NCKAP5: variants seen among roughly 807,000 people sequenced by gnomAD.
NCKAP5 encodes the protein nck-associated protein 5.
NCKAP5 carries 92 observed loss-of-function variants against 167.0 expected under a neutral mutation model. The ratio of observed to expected loss-of-function variants is 0.55; its 90% confidence interval spans 0.47 to 0.66. The LOEUF is 0.66. NCKAP5 is among the 30% of genes least tolerant of loss of function. The pLI is 0.00. For missense variants in NCKAP5, 2,378 were observed against 2,315.0 expected (o/e 1.03, Z -0.56); for synonymous variants, 891 against 877.4 (o/e 1.02, Z -0.27).
chr2:133,164,854 T>C (rs1259621576), intron 5 of NCKAP5, among the ~76,000 whole-genome samples: 1 of 152,204 alleles, frequency 6.6e-6, no homozygotes, highest in Non-Finnish European at 1.5e-5. Flanking sequence ...ATATTTAACA[T>C]GAAGCAATAA....
rs774001167 is a variant in NCKAP5 at position 132,782,762 on chromosome 2, C to T, written c.4049G>A (p.Gly1350Asp). ...RPSGHPSSGK[G>D]SLGSSGSFSS... Reference sequence around the variant, plus strand: ...GAAGCTGCCTGAGCTCCCCAGGGAGCCCTTCCCGGAGGAGGGGTGCCCCGA... The same window carrying T: ...GAAGCTGCCTGAGCTCCCCAGGGAGTCCTTCCCGGAGGAGGGGTGCCCCGA... The change falls in exon 14 of 20, where the codon GGC becomes GAC. Residue 1350 changes from glycine to aspartate, a missense_variant. Transcript: ENST00000409261. 10 of 1,613,828 alleles carry T rather than the reference C, an allele frequency of 6.2e-6. No individual in the cohort carries two copies. The highest frequency in any genetic ancestry group is 1.7e-5 in the Admixed American group (1 of 59,986).
chr2:132,707,220 T>C (rs1688445885), intron 19 of NCKAP5, among the ~76,000 whole-genome samples: 1 of 152,218 alleles, frequency 6.6e-6, no homozygotes, highest in South Asian at 2.1e-4. Context: ...GAAAGTGCAG[T>C]GACTGTGGGA....
chr2:133,547,625 C>A (rs1487412667), intron 2 of NCKAP5, among the ~76,000 whole-genome samples: 1 of 151,402 alleles, frequency 6.6e-6, no homozygotes, highest in Non-Finnish European at 1.5e-5. Context: ...CACACTGACA[C>A]CTCACACGGC....
chr2:133,021,551 T>A (rs1302117117), intron 6 of NCKAP5, among the ~76,000 whole-genome samples: 3 of 152,258 alleles, frequency 2.0e-5, no homozygotes, highest in African/African-American at 7.2e-5. Context: ...TGTCAGTAAG[T>A]GTGTATACAC....
rs569989019 is a variant in NCKAP5, at chr2:133,247,792, C to T, written c.144-34013G>A. Among the ~76,000 whole-genome samples, 10 of 152,300 alleles carry T rather than the reference C, an allele frequency of 6.6e-5. No homozygotes were observed. The South Asian group carries it at 2.1e-3, about 32-fold the overall frequency. ...TAGCCTTTCTCCATGCTCCATAGTT[C>T]TGCAATTTCTCCCTTCCACATCCTA... On this transcript the variant is annotated intron_variant, in intron 4 of 19. Transcript: ENST00000409261.
At chr2:133,136,093 T>C (rs2082778276) in intron 5 of NCKAP5, among the ~76,000 whole-genome samples, 1 of 152,314 alleles carries the variant, frequency 6.6e-6, no homozygotes, top group East Asian at 1.9e-4. Flanking sequence ...ACAAATGCCA[T>C]CTAGAATATA....
chr2:133,075,011 T>C (rs1051766274), intron 6 of NCKAP5, among the ~76,000 whole-genome samples: 8 of 151,662 alleles, frequency 5.3e-5, no homozygotes, highest in Non-Finnish European at 1.2e-4. Context: ...TATCAAGCAG[T>C]AAAATAAAAA....
chr2:133,002,907 C>T (rs897244005), intron 6 of NCKAP5, among the ~76,000 whole-genome samples: 14 of 152,130 alleles, frequency 9.2e-5, no homozygotes, highest in Admixed American at 4.6e-4. Context: ...TGTATGCATG[C>T]GACTAGTCAG....
chr2:133,594,146 G>T, the NCKAP5 span, among the ~76,000 whole-genome samples: 8 of 152,248 alleles, frequency 5.3e-5, no homozygotes, highest in Non-Finnish European at 1.0e-4. Context: ...ATGAGTCAAT[G>T]AAAGTGATGA....
At chr2:132,998,408 TG>T (rs1375154671) in intron 6 of NCKAP5, among the ~76,000 whole-genome samples, 1 of 152,220 alleles carries the variant, frequency 6.6e-6, no homozygotes, top group Non-Finnish European at 1.5e-5. Context: ...AACACTCTTC[TG>T]GCACTACTTT....
At chr2:132,990,214 C>G (rs1179451735) in intron 7 of NCKAP5, among the ~76,000 whole-genome samples, 1 of 152,158 alleles carries the variant, frequency 6.6e-6, no homozygotes, top group African/African-American at 2.4e-5. Context: ...CCAAGGAGAA[C>G]AGTGGGTTTC....
intron 6 of NCKAP5, chr2:133,123,066 T>C (rs956699712): frequency 7.9e-5 from 12 of 152,162 alleles, no homozygotes; most frequent in African/African-American, 2.7e-4. Flanking sequence ...TGCAATGAAA[T>C]TGGAACTATA....
chr2:133,587,054 G>A, the NCKAP5 span, among the ~76,000 whole-genome samples: 3 of 152,110 alleles, frequency 2.0e-5, no homozygotes, highest in African/African-American at 7.2e-5. Context: ...AAGGACTCAC[G>A]CGAGGGGTGT....
intron 8 of NCKAP5, among the ~76,000 whole-genome samples, chr2:132,949,624 A>G (rs1216602587): frequency 6.6e-6 from 1 of 152,148 alleles, no homozygotes; most frequent in Non-Finnish European, 1.5e-5. Context: ...CTGTGAGAAT[A>G]AGAACTATCT....
chr2:133,298,573 G>A (rs1680127296), intron 4 of NCKAP5, among the ~76,000 whole-genome samples: 1 of 152,090 alleles, frequency 6.6e-6, no homozygotes, highest in South Asian at 2.1e-4. Flanking sequence ...CATGCAGGTT[G>A]TTTTGGTTCA....
At chr2:133,220,817 G>A (rs934130271) in intron 4 of NCKAP5, among the ~76,000 whole-genome samples, 5 of 152,076 alleles carry the variant, frequency 3.3e-5, no homozygotes, top group Admixed American at 1.3e-4. Context: ...CATGCCTGTT[G>A]GGAGACAAAT....
chr2:133,193,206 A>AC (rs1439992767), intron 5 of NCKAP5, among the ~76,000 whole-genome samples: 1 of 152,100 alleles, frequency 6.6e-6, no homozygotes, highest in East Asian at 1.9e-4. Context: ...AGAATATGAT[A>AC]GAAATGTGGG....
chr2:133,342,432 A>G (rs1354497636), intron 3 of NCKAP5, among the ~76,000 whole-genome samples: 1 of 152,202 alleles, frequency 6.6e-6, no homozygotes. Flanking sequence ...AGAAGGCAGC[A>G]GGAGACAAGG....
intron 11 of NCKAP5, among the ~76,000 whole-genome samples, chr2:132,826,992 G>A (rs574241145): frequency 6.6e-6 from 1 of 152,226 alleles, no homozygotes; most frequent in Non-Finnish European, 1.5e-5. Flanking sequence ...TGACACTCTA[G>A]GTATCGACAG....
Sources: allele counts gnomAD v4.1 joint callset (sites outside exome capture counted in the v4.1 genomes callset), GRCh38; gene constraint gnomAD v4.1.1; transcripts MANE v1.5; gene names NCBI Gene and HGNC (gene_info 2026-07-23, HGNC 2026-07-21).